Variants in INO80D observed in about 807,000 individuals in gnomAD.
INO80D encodes INO80 complex subunit D.
A neutral mutation model predicts 87.6 loss-of-function variants in INO80D; 21 were observed. The ratio of observed to expected loss-of-function variants is 0.24; its 90% CI spans 0.17 to 0.35. The LOEUF is 0.35. INO80D is among the 10% of genes least tolerant of loss of function. The probability of loss-of-function intolerance (pLI) is 1.00; values close to 1 mark genes in which losing one functional copy is unlikely to be tolerated. For missense variants in INO80D, 982 were observed against 1,280.7 expected, an observed-to-expected ratio of 0.77 and a Z score of 3.56; for synonymous variants, 440 against 491.0, an observed-to-expected ratio of 0.90 and a Z score of 1.37.
intron 10 of INO80D, among the ~76,000 whole-genome samples, chr2:206,006,059 ACGGGTTATC>A (rs943312876): frequency 8.5e-5 from 13 of 152,108 alleles, no homozygotes; most frequent in African/African-American, 3.1e-4. Flanking sequence ...AGTTCATTTC[ACGGGTTATC>A]TTTCAAAATG....
intron 6 of INO80D, chr2:206,025,542 A>AAAAAAAAAAAAAAAATATATATATATAT (rs71301548): frequency 1.3e-5 from 1 of 76,944 alleles, no homozygotes; most frequent in African/African-American, 4.4e-5. Context: ...AAAAAAAAAA[A>AAAAAAAAAAAAAAAATATATATATATAT]ATATATATAT....
intron 5 of INO80D, among the ~76,000 whole-genome samples, chr2:206,044,784 T>C (rs1457755343): frequency 6.6e-6 from 1 of 152,222 alleles, no homozygotes; most frequent in Non-Finnish European, 1.5e-5. Context: ...CATTTATTAA[T>C]AATTTCCCAT....
At chr2:206,006,579 A>G (rs2105796243) in intron 10 of INO80D, among the ~76,000 whole-genome samples, 1 of 151,552 alleles carries the variant, frequency 6.6e-6, no homozygotes, top group East Asian at 1.9e-4. Flanking sequence ...GCTACTCGGG[A>G]GGCTGAGGCA....
At position 205,998,804 on chromosome 2, in the gene INO80D, C is replaced by T. The variant is rs749170703; in HGVS notation, c.*5564G>A. On this transcript the variant is annotated 3_prime_UTR_variant, in exon 11 of 11. Transcript: ENST00000403263. ...TCCGCTCTCTTCAATGATGAGTCAC[C>T]TTTAGTTTCTTTTAAAACTATTTTC... 2.0e-5 allele frequency: 3 copies of T among 152,168 alleles called. No homozygotes were observed. Among genetic ancestry groups the T allele is most frequent in the Non-Finnish European group, 2.9e-5 (2 of 68,036 alleles). 9.4% of individuals were successfully genotyped at this position (152,168 alleles called of 1,614,324 possible).
chr2:206,058,561 C>T (rs1406710888), intron 3 of INO80D, among the ~76,000 whole-genome samples: 1 of 151,688 alleles, frequency 6.6e-6, no homozygotes, highest in African/African-American at 2.4e-5. Context: ...ATGGTGAAAC[C>T]CCATCTCTAC....
intron 10 of INO80D, among the ~76,000 whole-genome samples, chr2:206,006,409 G>A (rs575322913): frequency 6.6e-6 from 1 of 152,338 alleles, no homozygotes; most frequent in African/African-American, 2.4e-5. Context: ...TCGGCTGGGC[G>A]CGGTGGCTCG....
chr2:206,018,857 C>T (rs1474548401), intron 7 of INO80D, among the ~76,000 whole-genome samples: 2 of 152,160 alleles, frequency 1.3e-5, no homozygotes, highest in Middle Eastern at 3.2e-3. Context: ...GAGCTGTGAT[C>T]GTGCCACTGC....
In INO80D at chr2:206,004,779, G is replaced by A; in HGVS notation, c.2673C>T (p.Gly891=). The change falls in exon 11 of 11, where the codon GGC becomes GGT. Residue 891 remains glycine, a synonymous_variant. Transcript: ENST00000403263. The surrounding 1 kb of genome is among the most constrained non-coding windows in gnomAD (Gnocchi z 4.9). ...GGVVNPRTHW[G]NLPVNLGDPS... is the part of the protein sequence containing the mutation. ...GGTCTCCAAGGTTGACAGGGAGATT[G>A]CCCCAGTGAGTTCTGGGGTTTACCA... The A allele has an allele frequency of 6.2e-7, 1 of 1,614,000 alleles. No individual in the cohort carries two copies. Among genetic ancestry groups the A allele is most frequent in the Non-Finnish European group, 8.5e-7 (1 of 1,179,894 alleles).
At chr2:206,061,195 A>G (rs1689681700) in intron 3 of INO80D, among the ~76,000 whole-genome samples, 1 of 151,890 alleles carries the variant, frequency 6.6e-6, no homozygotes, top group Admixed American at 6.6e-5. Flanking sequence ...TATTTTTTGT[A>G]GAGATGGGGT....
intron 4 of INO80D, among the ~76,000 whole-genome samples, chr2:206,047,369 C>T (rs1352954506): frequency 6.6e-6 from 1 of 151,996 alleles, no homozygotes; most frequent in Admixed American, 6.6e-5. Flanking sequence ...CAGGTGAGCA[C>T]CACCACGCCC....
At chr2:206,069,372 C>T (rs1239313277) in intron 1 of INO80D, among the ~76,000 whole-genome samples, 1 of 151,914 alleles carries the variant, frequency 6.6e-6, no homozygotes, top group Non-Finnish European at 1.5e-5. Flanking sequence ...AATACATATA[C>T]AAAATATGTG....
At chr2:206,053,788 T>A (rs1689436779) in intron 4 of INO80D, among the ~76,000 whole-genome samples, 1 of 152,224 alleles carries the variant, frequency 6.6e-6, no homozygotes, top group Non-Finnish European at 1.5e-5. Flanking sequence ...CCTCTTGATT[T>A]CTTTTTTCCA....
rs1395761248 is a variant in INO80D at position 206,005,373 on chromosome 2, G to A, written c.2079C>T (p.Phe693=). Residue 693 remains phenylalanine, a synonymous_variant, in exon 11 of 11, where the codon TTC becomes TTT. Transcript: ENST00000403263. ...TTCCTGAAGCTCCAGTACCTGTGGA[G>A]AACACCCCTATTCCTCTATCTGACA... is the stretch of plus-strand genomic sequence containing the variant. ...QELSDRGIGV[F]STGTGASGIQ... is the part of the protein sequence containing the mutation. 1 of 1,613,874 alleles carries A rather than the reference G, an allele frequency of 6.2e-7. No homozygotes were observed. Among genetic ancestry groups the A allele is most frequent in the African/African-American group, 1.3e-5 (1 of 74,916 alleles).
intron 5 of INO80D, among the ~76,000 whole-genome samples, chr2:206,038,923 G>A (rs1378840578): frequency 1.3e-5 from 2 of 152,108 alleles, no homozygotes; most frequent in African/African-American, 4.8e-5. Flanking sequence ...ACAAGATAAT[G>A]TAGCTAAATT....
chr2:206,078,798 A>C (rs1181156530), intron 1 of INO80D, among the ~76,000 whole-genome samples: 1 of 151,828 alleles, frequency 6.6e-6, no homozygotes, highest in African/African-American at 2.4e-5. Flanking sequence ...CACAAAAATT[A>C]CTGGGTGTGG....
Position 206,004,904 on chromosome 2 carries a change from A to C in INO80D, c.2548T>G (p.Ser850Ala). The change falls in exon 11 of 11, where the codon TCG becomes GCG. Residue 850 changes from serine (S) to alanine (A), a missense_variant. Coordinates refer to ENST00000403263, the MANE Select transcript of INO80D (RefSeq NM_017759.5). The surrounding 1 kb of genome is among the most constrained non-coding windows in gnomAD (Gnocchi z 4.9). Reference sequence around the variant, plus strand: ...GCTGCCATATTATCACCAGAGTACGATGTTGTGTGGGGAGAGGTGATATGG... The same window carrying C: ...GCTGCCATATTATCACCAGAGTACGCTGTTGTGTGGGGAGAGGTGATATGG... Reference protein sequence around the residue: ...SDHITSPHTTSYSGDNMAATF... With the variant: ...SDHITSPHTTAYSGDNMAATF... 6.2e-7 allele frequency: 1 copy of C among 1,613,886 alleles called. No individual in the cohort carries two copies. Among genetic ancestry groups the C allele is most frequent in the Non-Finnish European group, 8.5e-7 (1 of 1,179,842 alleles).
chr2:206,070,880 G>A (rs72942821), intron 1 of INO80D, among the ~76,000 whole-genome samples: 44,594 of 145,672 alleles, frequency 0.31, 7,326 homozygotes, highest in African/African-American at 0.45. Context: ...TGATTTTATA[G>A]GGGACTTGAT....
intron 5 of INO80D, among the ~76,000 whole-genome samples, chr2:206,043,581 A>G (rs1271376525): frequency 6.6e-6 from 1 of 151,702 alleles, no homozygotes; most frequent in East Asian, 1.9e-4. Context: ...TCCGCCTCCC[A>G]GGTTCACGCC....
At chr2:206,081,102 G>A (rs1690270186) in intron 1 of INO80D, among the ~76,000 whole-genome samples, 1 of 151,992 alleles carries the variant, frequency 6.6e-6, no homozygotes, top group Non-Finnish European at 1.5e-5. Context: ...CCCTTTTACA[G>A]ACGAAGAAAA....
Sources: allele counts gnomAD v4.1 joint callset (sites outside exome capture counted in the v4.1 genomes callset), GRCh38; gene constraint gnomAD v4.1.1; non-coding constraint Gnocchi (gnomAD v3.1); transcripts MANE v1.5; gene names NCBI Gene and HGNC (gene_info 2026-07-23, HGNC 2026-07-21).